ATP2B2: variants seen among roughly 807,000 people sequenced by gnomAD.
ATP2B2 encodes plasma membrane calcium-transporting ATPase 2.
ATP2B2 carries 15 observed loss-of-function variants against 120.0 expected under a neutral mutation model. The ratio of observed to expected loss-of-function variants is 0.12; its 90% confidence interval spans 0.08 to 0.19. The LOEUF is 0.19. Ranked by LOEUF, ATP2B2 falls within the 10% of genes least tolerant of loss-of-function variation. ATP2B2 has a pLI of 1.00. For synonymous variants in ATP2B2, 694 were observed against 700.3 expected (o/e 0.99, Z 0.14); for missense variants, 1,045 against 1,719.8 (o/e 0.61, Z 6.94).
chr3:10,638,173 G>A (rs2070074023), intron 1 of ATP2B2, among the ~76,000 whole-genome samples: 1 of 152,016 alleles, frequency 6.6e-6, no homozygotes. Flanking sequence ...AATAACAGAT[G>A]GAAATACAGC....
At chr3:10,528,846 C>T (rs919764810) in intron 3 of ATP2B2, among the ~76,000 whole-genome samples, 3 of 152,192 alleles carry the variant, frequency 2.0e-5, no homozygotes, top group African/African-American at 7.2e-5. Flanking sequence ...GTGATCCCGG[C>T]TACTTGCTTG....
intron 1 of ATP2B2, among the ~76,000 whole-genome samples, chr3:10,630,842 C>T (rs373168429): frequency 6.0e-4 from 8 of 13,338 alleles, no homozygotes; most frequent in East Asian, 2.3e-3. Context: ...AAGTTTGTGG[C>T]GGGGGGGTGG....
At chr3:10,691,347 C>T (rs2071659456) in intron 1 of ATP2B2, among the ~76,000 whole-genome samples, 1 of 152,228 alleles carries the variant, frequency 6.6e-6, no homozygotes, top group African/African-American at 2.4e-5. Flanking sequence ...CCCAGGGCCA[C>T]CACTTTAAGC....
Position 10,449,653 on chromosome 3 carries a change from T to G in ATP2B2, c.-110A>C, listed in dbSNP as rs2125181586. The G allele has an allele frequency of 7.1e-7, 1 of 1,414,332 alleles. No homozygotes were observed. The highest frequency in any genetic ancestry group is 9.9e-7 in the Non-Finnish European group (1 of 1,008,108). 87.6% of individuals were successfully genotyped at this position (1,414,332 alleles called of 1,614,324 possible). On this transcript the variant is annotated 5_prime_UTR_variant, in exon 2 of 23. Coordinates refer to ENST00000360273, the MANE Select transcript of ATP2B2 (RefSeq NM_001001331.4). ...TCAGCACACCCTCACTGGTCAGCTG[T>G]GGCACCAGGCGGCCGACTCCGGGTC...
chr3:10,707,338 G>A (rs992333765), intron 1 of ATP2B2, among the ~76,000 whole-genome samples: 1 of 152,208 alleles, frequency 6.6e-6, no homozygotes, highest in African/African-American at 2.4e-5. Flanking sequence ...TGGAGATGCG[G>A]AGAGCACTTG....
At chr3:10,601,528 A>G (rs2068920966) in intron 2 of ATP2B2, among the ~76,000 whole-genome samples, 1 of 152,116 alleles carries the variant, frequency 6.6e-6, no homozygotes, top group Admixed American at 6.5e-5. Context: ...TCATAATTTG[A>G]ACCCCTGATT....
intron 2 of ATP2B2, among the ~76,000 whole-genome samples, chr3:10,548,921 G>T (rs2067608408): frequency 6.6e-6 from 1 of 152,228 alleles, no homozygotes; most frequent in Non-Finnish European, 1.5e-5. Flanking sequence ...CATTACATAT[G>T]CCAGGAAGAT....
chr3:10,347,071 G>C lies in ATP2B2; in HGVS notation c.2405-934C>G, dbSNP rs1313498476. ...CAGTTCCGTCCCCCAGCCATCCCCG[G>C]AATGTCGTTTTCCTGCTTCCCCCCT... On this transcript the variant is annotated intron_variant, in intron 16 of 22. Coordinates refer to ENST00000360273, the MANE Select transcript of ATP2B2 (RefSeq NM_001001331.4). The surrounding 1 kb of genome is among the most constrained non-coding windows in gnomAD (Gnocchi z 5.2). 1.3e-5 allele frequency among the ~76,000 whole-genome samples: 2 copies of C among 152,056 alleles called. No homozygotes were observed. Among genetic ancestry groups the C allele is most frequent in the Admixed American group, 1.3e-4 (2 of 15,258 alleles).
chr3:10,410,910 A>G (rs1011301198), intron 2 of ATP2B2, 95 bp from the exon 3 acceptor site: 46 of 1,449,254 alleles, frequency 3.2e-5, no homozygotes, highest in Non-Finnish European at 4.3e-5. Context: ...ACAGAGCAAG[A>G]AACTTGCTGG....
intron 2 of ATP2B2, among the ~76,000 whole-genome samples, chr3:10,575,621 CTT>C (rs762750255): frequency 3.9e-5 from 6 of 152,196 alleles, no homozygotes; most frequent in Non-Finnish European, 8.8e-5. Context: ...CTTGAGAAGA[CTT>C]AGCTGGCAGC....
chr3:10,358,601 AAG>A (rs1195522570), intron 14 of ATP2B2, 88 bp downstream of exon 14: 1 of 1,243,268 alleles, frequency 8.0e-7, no homozygotes, highest in African/African-American at 1.5e-5. Flanking sequence ...CTGAGACTCA[AAG>A]AGGTGAAGTG....
intron 1 of ATP2B2, among the ~76,000 whole-genome samples, chr3:10,469,739 TG>T (rs2125274094): frequency 6.6e-6 from 1 of 152,186 alleles, no homozygotes; most frequent in African/African-American, 2.4e-5. Flanking sequence ...CCTGAGAAAG[TG>T]GGTTCCAAGA....
intron 22 of ATP2B2, chr3:10,332,059 A>C (rs2059994131): frequency 6.5e-7 from 1 of 1,548,510 alleles, no homozygotes; most frequent in Non-Finnish European, 8.7e-7. Context: ...AACACATGGA[A>C]TATTCAGACA....
intron 1 of ATP2B2, among the ~76,000 whole-genome samples, chr3:10,454,111 G>T (rs1166939401): frequency 6.6e-6 from 1 of 151,720 alleles, no homozygotes; most frequent in Admixed American, 6.6e-5. Flanking sequence ...GTACTACACA[G>T]TGCCAGGCAC....
chr3:10,617,271 A>G (rs1365879383), intron 2 of ATP2B2, among the ~76,000 whole-genome samples: 11 of 152,242 alleles, frequency 7.2e-5, no homozygotes, highest in Admixed American at 7.2e-4. Flanking sequence ...AAAACTTTCT[A>G]GTAGGTTATG....
intron 2 of ATP2B2, among the ~76,000 whole-genome samples, chr3:10,551,746 A>G (rs1260536297): frequency 1.3e-5 from 2 of 152,150 alleles, no homozygotes; most frequent in East Asian, 3.9e-4. Context: ...CCAATTCCAA[A>G]AGCTACCTTG....
intron 1 of ATP2B2, among the ~76,000 whole-genome samples, chr3:10,692,172 AG>A (rs532715254): frequency 1.2e-3 from 186 of 152,340 alleles, no homozygotes; most frequent in African/African-American, 4.4e-3. Flanking sequence ...ACAAGCCTGG[AG>A]GTGGCAAGCA....
At chr3:10,600,119 C>G (rs1328838418) in intron 2 of ATP2B2, among the ~76,000 whole-genome samples, 3 of 151,960 alleles carry the variant, frequency 2.0e-5, no homozygotes, top group Non-Finnish European at 4.4e-5. Context: ...TGGTGGGGGG[C>G]CATGGGGGCC....
chr3:10,641,129 C>T (rs2070160168), intron 1 of ATP2B2, among the ~76,000 whole-genome samples: 1 of 152,180 alleles, frequency 6.6e-6, no homozygotes, highest in African/African-American at 2.4e-5. Context: ...CACAGAGGAC[C>T]AGAAATGGAA....
Sources: gnomAD v4.1 joint callset for allele counts (sites outside exome capture counted in the v4.1 genomes callset) on GRCh38, gnomAD v4.1.1 for gene constraint, Gnocchi (gnomAD v3.1) non-coding constraint, MANE v1.5 for transcripts, NCBI Gene and HGNC (gene_info 2026-07-23, HGNC 2026-07-21) for gene names.